The following NAALADL2 variants were observed in gnomAD, a reference collection of about 807,000 sequenced individuals.
NAALADL2 encodes inactive N-acetylated-alpha-linked acidic dipeptidase-like protein 2.
NAALADL2 carries 76 observed loss-of-function variants against 87.2 expected under a neutral mutation model. The ratio of observed to expected loss-of-function variants is 0.87; its 90% CI spans 0.72 to 1.05. The LOEUF is 1.05. Ranked by LOEUF, NAALADL2 falls within the 50% of genes least tolerant of loss-of-function variation. NAALADL2 has a pLI of 0.00. For missense variants in NAALADL2, 1,089 were observed against 945.8 expected (o/e 1.15, Z -1.99); for synonymous variants, 354 against 331.0 (o/e 1.07, Z -0.75).
At chr3:175,670,424 ATATATTTATAT>A (rs1202996872) in intron 11 of NAALADL2, among the ~76,000 whole-genome samples, 2 of 146,538 alleles carry the variant, frequency 1.4e-5, no homozygotes, top group Non-Finnish European at 3.0e-5. Flanking sequence ...TGTAAATTTA[ATATATTTATAT>A]TAAATTTATA....
intron 2 of NAALADL2, among the ~76,000 whole-genome samples, chr3:174,735,367 A>G (rs897532755): frequency 6.6e-6 from 1 of 152,176 alleles, no homozygotes; most frequent in Admixed American, 6.5e-5. Context: ...TTCTGTTTTC[A>G]TTCTAATTTT....
intron 5 of NAALADL2, among the ~76,000 whole-genome samples, chr3:175,409,446 T>C (rs1406252600): frequency 6.6e-6 from 1 of 151,930 alleles, no homozygotes; most frequent in South Asian, 2.1e-4. Flanking sequence ...GATGAGTGGA[T>C]CTTACCCATA....
At chr3:174,544,567 C>CTTTTTTTTTTTTT (rs10575227) in intron 1 of NAALADL2, among the ~76,000 whole-genome samples, 4 of 115,160 alleles carry the variant, frequency 3.5e-5, no homozygotes, top group Non-Finnish European at 7.0e-5. Context: ...TTTTTGTTTT[C>CTTTTTTTTTTTTT]TTTTTTTTTT....
At chr3:175,515,554 T>C (rs1224521020) in intron 9 of NAALADL2, among the ~76,000 whole-genome samples, 2 of 151,344 alleles carry the variant, frequency 1.3e-5, no homozygotes, top group East Asian at 3.9e-4. Flanking sequence ...TCTAGCTAAT[T>C]TTTGGGAAAA....
At chr3:175,582,020 G>T (rs1216892493) in intron 10 of NAALADL2, among the ~76,000 whole-genome samples, 1 of 152,110 alleles carries the variant, frequency 6.6e-6, no homozygotes, top group African/African-American at 2.4e-5. Flanking sequence ...CTTCTACAAA[G>T]AATTCTGCTT....
chr3:174,618,995 A>G (rs1239285920), intron 2 of NAALADL2, among the ~76,000 whole-genome samples: 1 of 151,912 alleles, frequency 6.6e-6, no homozygotes, highest in Non-Finnish European at 1.5e-5. Context: ...CAAATAAATA[A>G]TGTGTCTGAG....
chr3:175,663,359 G>C (rs1732531175), intron 11 of NAALADL2, among the ~76,000 whole-genome samples: 1 of 151,546 alleles, frequency 6.6e-6, no homozygotes, highest in Non-Finnish European at 1.5e-5. Context: ...GTTTGTAATA[G>C]TCTCTGACAA....
chr3:175,569,646 A>T (rs899280796), intron 9 of NAALADL2, among the ~76,000 whole-genome samples: 2 of 152,038 alleles, frequency 1.3e-5, no homozygotes, highest in African/African-American at 4.8e-5. Flanking sequence ...TCTGCTCCTC[A>T]TCACGTAAGG....
chr3:175,395,753 T>C (rs1769697724), intron 5 of NAALADL2, among the ~76,000 whole-genome samples: 1 of 152,334 alleles, frequency 6.6e-6, no homozygotes, highest in South Asian at 2.1e-4. Context: ...TAGCTATCCA[T>C]CTCTGAAAAA....
intron 1 of NAALADL2, among the ~76,000 whole-genome samples, chr3:174,505,130 G>C (rs1481445949): frequency 1.3e-5 from 2 of 152,216 alleles, no homozygotes; most frequent in African/African-American, 4.8e-5. Flanking sequence ...GTCTCAAATA[G>C]AGATCCATTT....
chr3:174,865,121 T>C (rs1404954175), intron 1 of NAALADL2, among the ~76,000 whole-genome samples: 2 of 152,022 alleles, frequency 1.3e-5, no homozygotes, highest in Non-Finnish European at 2.9e-5. Context: ...CTGTAATTTA[T>C]ATTGAAAAGT....
At chr3:175,415,011 G>T (rs1241724941) in intron 5 of NAALADL2, among the ~76,000 whole-genome samples, 2 of 152,094 alleles carry the variant, frequency 1.3e-5, no homozygotes, top group Non-Finnish European at 2.9e-5. Context: ...TGTCTTACGG[G>T]ATTATCACTG....
chr3:175,291,076 T>C (rs1160804642), intron 4 of NAALADL2, among the ~76,000 whole-genome samples: 2 of 152,202 alleles, frequency 1.3e-5, no homozygotes, highest in Non-Finnish European at 2.9e-5. Context: ...CCATTTCTTC[T>C]CTGCTGCTTC....
chr3:175,728,833 A>G (rs1583033343), intron 11 of NAALADL2, among the ~76,000 whole-genome samples: 1 of 152,128 alleles, frequency 6.6e-6, no homozygotes, highest in South Asian at 2.1e-4. Context: ...CCTATGCCCC[A>G]CACTCCACAC....
intron 1 of NAALADL2, among the ~76,000 whole-genome samples, chr3:175,078,234 A>T (rs901320382): frequency 6.6e-6 from 1 of 152,000 alleles, no homozygotes; most frequent in Non-Finnish European, 1.5e-5. Context: ...CATGTTGCCC[A>T]GGCTGGTCTC....
chr3:174,449,980 GCATATATATACACACA>G (rs1399346737), intron 1 of NAALADL2, among the ~76,000 whole-genome samples: 1 of 150,800 alleles, frequency 6.6e-6, no homozygotes, highest in Non-Finnish European at 1.5e-5. Flanking sequence ...GAAAGTTAAA[GCATATATATACACACA>G]CATATATATA....
chr3:175,486,239 G>A (rs960598961), intron 9 of NAALADL2, among the ~76,000 whole-genome samples: 6 of 152,100 alleles, frequency 3.9e-5, no homozygotes, highest in Non-Finnish European at 7.4e-5. Flanking sequence ...AGTCAAAAGG[G>A]AATAACATAT....
chr3:175,248,829 A>G (rs1176753716), intron 3 of NAALADL2, among the ~76,000 whole-genome samples: 1 of 152,182 alleles, frequency 6.6e-6, no homozygotes, highest in Non-Finnish European at 1.5e-5. Flanking sequence ...CTGCAATCAT[A>G]GTTGCAAACA....
In NAALADL2 at chr3:174,715,965, C is replaced by T. The variant is rs146708839; in HGVS notation, c.-114-21676C>T. Among the ~76,000 whole-genome samples the T allele has an allele frequency of 9.0e-3, 1,365 of 151,718 alleles. 13 individuals carry two copies. The highest frequency in any genetic ancestry group is 0.017 in the Middle Eastern group (5 of 292). ...ATAATTCATTACATTTTTTTCTTTC[C>T]TTTGATTGCTAAAATGCTCAGTCTA... On this transcript the variant is annotated intron_variant, in intron 2 of 3. Transcript: ENST00000434257.
Sources: allele counts gnomAD v4.1 joint callset (sites outside exome capture counted in the v4.1 genomes callset), GRCh38; gene constraint gnomAD v4.1.1; transcripts MANE v1.5; gene names NCBI Gene and HGNC (gene_info 2026-07-23, HGNC 2026-07-21).